NEK1: variants seen among roughly 807,000 people sequenced by gnomAD.
The protein encoded by NEK1 is NIMA related kinase 1.
In NEK1, 137 loss-of-function variants were observed where a neutral mutation model predicts 182.1. That is an observed-to-expected ratio of 0.75 (90% CI 0.65 to 0.87). The LOEUF is 0.87. NEK1 is among the 40% of genes least tolerant of loss of function. The pLI, the probability that NEK1 is intolerant of heterozygous loss-of-function variation, is 0.00. For synonymous variants in NEK1, 513 were observed against 492.2 expected (o/e 1.04, Z -0.56); for missense variants, 1,391 against 1,494.4 (o/e 0.93, Z 1.14).
intron 31 of NEK1, among the ~76,000 whole-genome samples, chr4:169,410,514 GACACATTCTTT>G (rs1733493251): frequency 6.6e-6 from 1 of 152,088 alleles, no homozygotes; most frequent in Non-Finnish European, 1.5e-5. Context: ...TCTTATGATG[GACACATTCTTT>G]TAGCCTCTGT....
At chr4:169,415,569 T>C (rs1286752647) in intron 31 of NEK1, among the ~76,000 whole-genome samples, 1 of 152,198 alleles carries the variant, frequency 6.6e-6, no homozygotes, top group Admixed American at 6.5e-5. Flanking sequence ...GTAATGCATA[T>C]TCTCTAGTAC....
intron 19 of NEK1, among the ~76,000 whole-genome samples, chr4:169,535,732 T>C (rs2149806106): frequency 6.6e-6 from 1 of 150,908 alleles, no homozygotes; most frequent in African/African-American, 2.4e-5. Context: ...TACAAAATAT[T>C]AGCCCAGCGT....
chr4:169,604,825 G>A (rs1771074295), intron 2 of NEK1, among the ~76,000 whole-genome samples: 1 of 152,096 alleles, frequency 6.6e-6, no homozygotes, highest in African/African-American at 2.4e-5. Flanking sequence ...AAACAAGATT[G>A]CCTTTAGCAA....
At chr4:169,585,852 A>G (rs903325509) in intron 9 of NEK1, among the ~76,000 whole-genome samples, 4 of 152,148 alleles carry the variant, frequency 2.6e-5, no homozygotes, top group African/African-American at 9.7e-5. Context: ...AGGTAGCAAA[A>G]TTAGGGCCAA....
Position 169,577,096 on chromosome 4 carries a change from A to G in NEK1, c.869-17T>C, listed in dbSNP as rs773395976. On this transcript the variant is annotated splice_polypyrimidine_tract_variant and intron_variant, in intron 11 of 35. Coordinates refer to ENST00000507142, the MANE Select transcript of NEK1 (RefSeq NM_001199397.3). ...GTCTTTTAGCTAGATGAAAAGATACAAAGAATTTTGTCTGCAGTTCTTTAC... is the reference window on the plus strand; with the variant it reads ...GTCTTTTAGCTAGATGAAAAGATACGAAGAATTTTGTCTGCAGTTCTTTAC... 1 of 1,612,870 alleles carries G rather than the reference A, an allele frequency of 6.2e-7. No individual in the cohort carries two copies. The highest frequency in any genetic ancestry group is 8.5e-7 in the Non-Finnish European group (1 of 1,179,468).
intron 11 of NEK1, among the ~76,000 whole-genome samples, chr4:169,579,782 C>T (rs57925435): frequency 0.012 from 1,741 of 146,832 alleles, 35 homozygotes; most frequent in African/African-American, 0.04. Context: ...AGCAAGACTC[C>T]ATCTCAAAAA....
At chr4:169,479,670 A>C in intron 23 of NEK1, 136 bp from the exon 24 acceptor site, 1 of 701,446 alleles carries the variant, frequency 1.4e-6, no homozygotes, top group Non-Finnish European at 2.3e-6. Flanking sequence ...CTGTTGAGCA[A>C]GGCATTATGA....
chr4:169,600,579 G>A (rs62334509), intron 4 of NEK1, among the ~76,000 whole-genome samples: 10,903 of 152,120 alleles, frequency 0.072, 564 homozygotes, highest in Non-Finnish European at 0.11. Flanking sequence ...TCTACTGTTT[G>A]TAATGTGCCA....
At chr4:169,557,584 G>A (rs939083934) in intron 16 of NEK1, among the ~76,000 whole-genome samples, 2 of 152,050 alleles carry the variant, frequency 1.3e-5, no homozygotes, top group African/African-American at 4.8e-5. Context: ...AATAATGAGA[G>A]TAAAAAAGGG....
chr4:169,438,206 C>G lies in NEK1; in HGVS notation c.2641G>C (p.Val881Leu), dbSNP rs1738781733. The change falls in exon 28 of 36, where the codon GTA becomes CTA. Residue 881 changes from valine to leucine, a missense_variant. Val to Leu is a conservative substitution (Grantham distance 32, BLOSUM62 1). This residue lies in a region of NEK1 where 1,216 missense variants were observed against 1,277.6 expected (regional missense o/e 0.95). Transcript: ENST00000507142. ...TTTATTTCATGTGAAATACATTGTA[C>G]TTTTTTTTCTCCAGTAATTAAGGGT... ...YKPLITGEKK[V>L]QCISHEINPS... 2.5e-6 allele frequency: 4 copies of G among 1,577,916 alleles called. No individual in the cohort carries two copies. The highest frequency in any genetic ancestry group is 3.4e-6 in the Non-Finnish European group (4 of 1,159,980).
Position 169,400,263 on chromosome 4 carries a change from A to C in NEK1, c.3809T>G (p.Ile1270Ser), listed in dbSNP as rs778919560. ...TCCATCTGCCATGACTAAATGAAGA[A>C]TCTTGGCATAAAGATGCTGATGTTC... ...GNEHQHLYAK[I>S]LHLVMADGAY... is the part of the protein sequence containing the mutation. Residue 1270 changes from isoleucine (I) to serine (S), a missense_variant, in exon 35 of 36, where the codon ATT (isoleucine) becomes AGT (serine). Physicochemically the swap from Ile to Ser is moderately radical, Grantham distance 142 (BLOSUM62 -2). Transcript: ENST00000507142. The C allele has an allele frequency of 2.0e-5, 32 of 1,576,002 alleles. No homozygotes were observed. Among genetic ancestry groups the C allele is most frequent in the Non-Finnish European group, 2.6e-5 (30 of 1,158,206 alleles).
At position 169,480,831 on chromosome 4, in the gene NEK1, G is replaced by A. The variant is rs190241215; in HGVS notation, c.2008-1297C>T. On this transcript the variant is annotated intron_variant, in intron 23 of 35. Coordinates refer to ENST00000507142, the MANE Select transcript of NEK1 (RefSeq NM_001199397.3). ...TGGCTTCAATGACTGTCCTGACTCA[G>A]TCTCCCAAAGTGCTGGGATTACAAG... 3.3e-5 allele frequency among the ~76,000 whole-genome samples: 5 copies of A among 152,202 alleles called. No homozygotes were observed. The East Asian group carries it at 9.7e-4, about 29-fold the overall frequency.
intron 18 of NEK1, among the ~76,000 whole-genome samples, chr4:169,544,093 C>T (rs545645982): frequency 4.9e-4 from 74 of 152,176 alleles, no homozygotes; most frequent in Middle Eastern, 6.8e-3. Context: ...AGTTTCTGTC[C>T]ATTATGATAT....
chr4:169,493,097 C>A (rs976804468), intron 23 of NEK1, among the ~76,000 whole-genome samples: 6 of 152,174 alleles, frequency 3.9e-5, no homozygotes, highest in Non-Finnish European at 7.3e-5. Context: ...TCGGCACCAT[C>A]TACTGGACTG....
chr4:169,470,156 T>G (rs1443199623), intron 26 of NEK1, among the ~76,000 whole-genome samples: 1 of 152,188 alleles, frequency 6.6e-6, no homozygotes, highest in Non-Finnish European at 1.5e-5. Context: ...ATGTGTGAAT[T>G]TGATCCTGTC....
chr4:169,606,748 G>A (rs955589989), intron 2 of NEK1, among the ~76,000 whole-genome samples: 1 of 152,190 alleles, frequency 6.6e-6, no homozygotes, highest in Non-Finnish European at 1.5e-5. Context: ...TAAATCGTGA[G>A]ACTCTCTTTC....
intron 27 of NEK1, among the ~76,000 whole-genome samples, chr4:169,453,218 G>A (rs970621270): frequency 1.5e-4 from 23 of 152,122 alleles, no homozygotes; most frequent in South Asian, 4.1e-4. Flanking sequence ...AATCAATATC[G>A]TGAAAATGGA....
intron 31 of NEK1, among the ~76,000 whole-genome samples, chr4:169,418,099 T>C (rs985956431): frequency 2.6e-5 from 4 of 152,176 alleles, no homozygotes; most frequent in African/African-American, 9.7e-5. Context: ...TCAGAGCTCA[T>C]GCAGGTAGGA....
chr4:169,408,265 G>A (rs143342954), intron 31 of NEK1, among the ~76,000 whole-genome samples: 94 of 152,092 alleles, frequency 6.2e-4, no homozygotes, highest in African/African-American at 2.2e-3. Flanking sequence ...ATTTCAAGTG[G>A]TCATGTAATT....
Sources: gnomAD v4.1 joint callset for allele counts (sites outside exome capture counted in the v4.1 genomes callset) on GRCh38, gnomAD v4.1.1 for gene constraint, gnomAD v4.1.1 regional missense constraint, MANE v1.5 for transcripts, NCBI Gene and HGNC (gene_info 2026-07-23, HGNC 2026-07-21) for gene names.